KIAA1549L: variants seen among roughly 807,000 people sequenced by gnomAD.
KIAA1549L encodes the protein UPF0606 protein KIAA1549L.
Under a neutral mutation model 160.7 loss-of-function variants are expected in KIAA1549L, and 88 were observed. The observed-to-expected ratio is 0.55, with a 90% CI of 0.46 to 0.65. KIAA1549L has a LOEUF of 0.65. KIAA1549L is among the 30% of genes least tolerant of loss of function. The pLI is 0.00. For synonymous variants in KIAA1549L, 950 were observed against 976.7 expected (o/e 0.97, Z 0.51); for missense variants, 2,258 against 2,437.5 (o/e 0.93, Z 1.55).
At chr11:33,390,716 T>C (rs112901664) in intron 1 of KIAA1549L, among the ~76,000 whole-genome samples, 203 of 152,342 alleles carry the variant, frequency 1.3e-3, no homozygotes, top group African/African-American at 4.6e-3. Context: ...GTCTCCTCCT[T>C]CGTAGCAGTA....
At chr11:33,553,076 A>G (rs1854521864) in intron 6 of KIAA1549L, among the ~76,000 whole-genome samples, 1 of 152,186 alleles carries the variant, frequency 6.6e-6, no homozygotes, top group Non-Finnish European at 1.5e-5. Context: ...GTGATGGGAA[A>G]GCGTCCCCTG....
chr11:33,426,729 G>T (rs766893533), intron 1 of KIAA1549L, among the ~76,000 whole-genome samples: 18 of 152,176 alleles, frequency 1.2e-4, no homozygotes, highest in Non-Finnish European at 1.9e-4. Flanking sequence ...ATCTCAGAGA[G>T]ATTCATTTGC....
rs961035262 is a variant in KIAA1549L, at chr11:33,515,205, C to G, written c.239-26597C>G. 4.6e-5 allele frequency among the ~76,000 whole-genome samples: 7 copies of G among 152,302 alleles called. No individual in the cohort carries two copies. In the East Asian group the frequency reaches 1.4e-3, roughly 29 times the overall value. On this transcript the variant is annotated intron_variant, in intron 1 of 20. Transcript: ENST00000658780. ...TCCCCCACCCACCAAAATGTGGAAG[C>G]AGGGCAGCTAATATCTCTTTCTCTT...
chr11:33,576,495 T>G (rs897048550), intron 10 of KIAA1549L, among the ~76,000 whole-genome samples: 2 of 152,218 alleles, frequency 1.3e-5, no homozygotes, highest in East Asian at 1.9e-4. Context: ...TGCCGCATCC[T>G]CTTTATGTGG....
chr11:33,416,707 A>G (rs944832777), intron 1 of KIAA1549L, among the ~76,000 whole-genome samples: 1 of 152,172 alleles, frequency 6.6e-6, no homozygotes, highest in African/African-American at 2.4e-5. Flanking sequence ...ATTGTAAGGG[A>G]CATCCGTGAT....
At chr11:33,520,897 T>C (rs953143726) in intron 1 of KIAA1549L, among the ~76,000 whole-genome samples, 3 of 152,132 alleles carry the variant, frequency 2.0e-5, no homozygotes, top group Non-Finnish European at 2.9e-5. Context: ...GTGCAGTGGC[T>C]CATGTCTGTA....
At chr11:33,616,975 C>A (rs577092549) in intron 15 of KIAA1549L, among the ~76,000 whole-genome samples, 1 of 151,846 alleles carries the variant, frequency 6.6e-6, no homozygotes, top group African/African-American at 2.4e-5. Flanking sequence ...CCTGTCTCTA[C>A]AAAAATTACA....
At chr11:33,435,577 T>C (rs549786825) in intron 1 of KIAA1549L, among the ~76,000 whole-genome samples, 16 of 151,474 alleles carry the variant, frequency 1.1e-4, no homozygotes, top group Middle Eastern at 3.4e-3. Flanking sequence ...ACATATTTTA[T>C]GGTTTTTCTA....
intron 1 of KIAA1549L, among the ~76,000 whole-genome samples, chr11:33,457,370 G>C (rs1052611655): frequency 6.6e-6 from 1 of 152,154 alleles, no homozygotes; most frequent in Admixed American, 6.5e-5. Context: ...CTGTTGAATG[G>C]TTTTGCCCTG....
At position 33,540,346 on chromosome 11, in the gene KIAA1549L, A is replaced by G. The variant is rs897644047; in HGVS notation, c.239-1456A>G. Among the ~76,000 whole-genome samples the G allele has an allele frequency of 2.0e-5, 3 of 152,384 alleles. No individual in the cohort carries two copies. The South Asian group carries it at 6.2e-4, about 32-fold the overall frequency. ...AGGTACAAAAGAAGAAATCCTACAC[A>G]GATTTCACCTGACATCCACATAAAA... On this transcript the variant is annotated intron_variant, in intron 1 of 20. Coordinates refer to ENST00000658780, the MANE Select transcript of KIAA1549L (RefSeq NM_012194.3).
At chr11:33,377,563 T>A (rs897470762) in intron 1 of KIAA1549L, among the ~76,000 whole-genome samples, 2 of 152,156 alleles carry the variant, frequency 1.3e-5, no homozygotes, top group African/African-American at 4.8e-5. Context: ...GGGGGTGGAT[T>A]TTTCTGCTAA....
chr11:33,534,378 C>T (rs1173743964), intron 1 of KIAA1549L, among the ~76,000 whole-genome samples: 1 of 151,958 alleles, frequency 6.6e-6, no homozygotes, highest in Non-Finnish European at 1.5e-5. Context: ...CAGGCATGAG[C>T]CACCGCACCT....
intron 1 of KIAA1549L, among the ~76,000 whole-genome samples, chr11:33,445,541 G>T (rs911976267): frequency 2.0e-5 from 3 of 152,214 alleles, no homozygotes; most frequent in Admixed American, 6.5e-5. Context: ...GTCCCACGAG[G>T]TGTATAGAGA....
At chr11:33,466,640 A>G (rs1403605070) in intron 1 of KIAA1549L, among the ~76,000 whole-genome samples, 5 of 152,192 alleles carry the variant, frequency 3.3e-5, no homozygotes, top group Non-Finnish European at 7.3e-5. Context: ...AGGTTTATAA[A>G]TCATGCTACT....
In KIAA1549L at chr11:33,636,820, G is replaced by A. The variant is rs1851450828; in HGVS notation, c.5410-8866G>A. Among the ~76,000 whole-genome samples, 8 of 152,140 alleles carry A rather than the reference G, an allele frequency of 5.3e-5. No homozygotes were observed. The South Asian group carries it at 1.7e-3, about 32-fold the overall frequency. On this transcript the variant is annotated intron_variant, in intron 16 of 20. Transcript: ENST00000658780. ...CCACGATTTCAGGCATCCAGTGGGG[G>A]TCTTGGAACATTTTCCCTGAGGATA... is the stretch of plus-strand genomic sequence containing the variant.
chr11:33,466,997 G>A (rs1305091719), intron 1 of KIAA1549L, among the ~76,000 whole-genome samples: 1 of 152,008 alleles, frequency 6.6e-6, no homozygotes, highest in African/African-American at 2.4e-5. Flanking sequence ...CAGGGATAGT[G>A]TTAGGAGAAA....
At chr11:33,563,889 T>C (rs1300297540) in intron 8 of KIAA1549L, among the ~76,000 whole-genome samples, 2 of 152,228 alleles carry the variant, frequency 1.3e-5, no homozygotes, top group Non-Finnish European at 2.9e-5. Flanking sequence ...CAGGCTGTCC[T>C]TGACAACCTC....
intron 11 of KIAA1549L, among the ~76,000 whole-genome samples, 186 bp downstream of exon 11, chr11:33,583,687 G>A (rs1422728198): frequency 1.3e-5 from 2 of 152,170 alleles, no homozygotes; most frequent in Non-Finnish European, 2.9e-5. Flanking sequence ...ATGCCCATTC[G>A]GCCATCAGTG....
At chr11:33,554,336 A>G (rs1854574432) in intron 6 of KIAA1549L, among the ~76,000 whole-genome samples, 2 of 152,266 alleles carry the variant, frequency 1.3e-5, no homozygotes, top group African/African-American at 4.8e-5. Context: ...ATTAGGGACT[A>G]GATTACAGTG....
Sources: gnomAD v4.1 joint callset for allele counts (sites outside exome capture counted in the v4.1 genomes callset) on GRCh38, gnomAD v4.1.1 for gene constraint, MANE v1.5 for transcripts, NCBI Gene and HGNC (gene_info 2026-07-23, HGNC 2026-07-21) for gene names.